Variants in COCH observed in about 807,000 individuals in gnomAD.
The protein encoded by COCH is coagulation factor C homolog, cochlin (Limulus polyphemus).
In COCH, 40 loss-of-function variants were observed where a neutral mutation model predicts 54.8. That is an observed-to-expected ratio of 0.73 (90% CI 0.57 to 0.95). COCH has a LOEUF of 0.95. Ranked by LOEUF, COCH falls within the 40% of genes least tolerant of loss-of-function variation. COCH has a pLI of 0.00. For synonymous variants in COCH, 256 were observed against 237.9 expected, an observed-to-expected ratio of 1.08 and a Z score of -0.70; for missense variants, 605 against 675.0, an observed-to-expected ratio of 0.90 and a Z score of 1.15.
chr14:30,875,296 A>C, intron 3 of COCH, 193 bp downstream of exon 3: 1 of 814,154 alleles, frequency 1.2e-6, no homozygotes. Flanking sequence ...TGTTTCTCCC[A>C]TGGTAGGGGG....
intron 11 of COCH, 88 bp downstream of exon 11, chr14:30,886,400 A>G: frequency 7.2e-7 from 1 of 1,395,924 alleles, no homozygotes; most frequent in Non-Finnish European, 1.0e-6. Flanking sequence ...CATTTATTTC[A>G]TTAAACAAAC....
Position 30,878,648 on chromosome 14 carries a change from C to T in COCH, c.240-163C>T, listed in dbSNP as rs138971652. On this transcript the variant is annotated intron_variant, in intron 4 of 11. Transcript: ENST00000396618. ...CTCCATCCTGGGCTACAGAGCGAGA[C>T]GCCATCAAATAAATAAATAAATAAA... 2.4e-4 allele frequency among the ~76,000 whole-genome samples: 36 copies of T among 152,222 alleles called. No homozygotes were observed. The East Asian group carries it at 4.0e-3, about 17-fold the overall frequency.
At position 30,875,445 on chromosome 14, in the gene COCH, C is replaced by T. The variant is rs953794794; in HGVS notation, c.82+342C>T. 8.5e-6 allele frequency: 5 copies of T among 585,020 alleles called. No homozygotes were observed. The African/African-American group carries it at 9.4e-5, about 11-fold the overall frequency. 36.2% of individuals were successfully genotyped at this position (585,020 alleles called of 1,614,324 possible). On this transcript the variant is annotated intron_variant, in intron 3 of 11. Coordinates refer to ENST00000396618, the MANE Select transcript of COCH (RefSeq NM_004086.3). ...AGGAAGGAGGACTCCTTGAGCCTCA[C>T]CGAGGAGCGCACCAGTCCTGGGCTC...
rs764704351 is a variant in COCH at position 30,878,864 on chromosome 14, G to A, written c.293G>A (p.Arg98Gln). 5.5e-5 allele frequency: 89 copies of A among 1,614,168 alleles called. No homozygotes were observed. The highest frequency in any genetic ancestry group is 2.2e-4 in the South Asian group (20 of 91,082). The change falls in exon 5 of 12, where the codon CGA (arginine) becomes CAA (glutamine). Residue 98 changes from arginine to glutamine, a missense_variant. Transcript: ENST00000396618. ...GPVRVYSLPG[R>Q]ENYSSVDANG... is the part of the protein sequence containing the mutation. Reference sequence around the variant, plus strand: ...GTACGAGTCTATAGCCTACCTGGTCGAGAAAACTATTCCTCAGTAGATGCC... The same window carrying A: ...GTACGAGTCTATAGCCTACCTGGTCAAGAAAACTATTCCTCAGTAGATGCC...
chr14:30,879,364 T>A, intron 5 of COCH, 59 bp from the exon 6 acceptor site: 2 of 1,524,830 alleles, frequency 1.3e-6, no homozygotes, highest in South Asian at 2.3e-5. Flanking sequence ...TAAATTAGAT[T>A]CATAATACTT....
intron 3 of COCH, among the ~76,000 whole-genome samples, chr14:30,876,772 T>C (rs1036743078): frequency 6.6e-6 from 1 of 152,188 alleles, no homozygotes; most frequent in Admixed American, 6.5e-5. Flanking sequence ...ACTGTGTACA[T>C]AGCGTCATCA....
intron 9 of COCH, 90 bp downstream of exon 9, chr14:30,884,746 C>A (rs1895723358): frequency 1.6e-6 from 2 of 1,281,084 alleles, no homozygotes; most frequent in Admixed American, 1.8e-5. Flanking sequence ...TTTATATGAG[C>A]AGATGTGAAA....
chr14:30,878,431 C>T (rs1178046937), intron 4 of COCH, among the ~76,000 whole-genome samples: 3 of 152,120 alleles, frequency 2.0e-5, no homozygotes, highest in Non-Finnish European at 4.4e-5. Context: ...GAGGCTGAGG[C>T]GGATGGACCA....
intron 3 of COCH, among the ~76,000 whole-genome samples, chr14:30,876,970 A>G (rs564543694): frequency 6.6e-6 from 1 of 152,038 alleles, no homozygotes; most frequent in African/African-American, 2.4e-5. Flanking sequence ...GGCCATTTAA[A>G]AAAAATTTTT....
chr14:30,886,216 A>T lies in COCH; in HGVS notation c.1381A>T (p.Ile461Leu). The T allele has an allele frequency of 6.2e-7, 1 of 1,612,972 alleles. No homozygotes were observed. Among genetic ancestry groups the T allele is most frequent in the Non-Finnish European group, 8.5e-7 (1 of 1,179,466 alleles). ...SFTVRNVFGP[I>L]RESPNKNFLV... ...CACTGTTAGAAATGTGTTTGGCCCTATAAGGGAGAGCCCCAACAAGAACTT... is the reference window on the plus strand; with the variant it reads ...CACTGTTAGAAATGTGTTTGGCCCTTTAAGGGAGAGCCCCAACAAGAACTT... The change falls in exon 11 of 12, where the codon ATA (isoleucine) becomes TTA (leucine). Residue 461 changes from isoleucine to leucine, a missense_variant. Transcript: ENST00000396618.
intron 11 of COCH, among the ~76,000 whole-genome samples, chr14:30,888,131 A>T (rs952824949): frequency 2.7e-5 from 4 of 148,492 alleles, no homozygotes; most frequent in African/African-American, 7.4e-5. Context: ...TGGTGTGATT[A>T]TTTTTTTTTT....
At chr14:30,888,901 A>T (rs1895885935) in intron 11 of COCH, among the ~76,000 whole-genome samples, 1 of 152,164 alleles carries the variant, frequency 6.6e-6, no homozygotes, top group Non-Finnish European at 1.5e-5. Context: ...GCCTTCTAGT[A>T]ACTAAAGTGA....
intron 8 of COCH, among the ~76,000 whole-genome samples, chr14:30,882,453 T>C (rs1455585710): frequency 3.3e-5 from 5 of 152,104 alleles, no homozygotes; most frequent in Non-Finnish European, 5.9e-5. Context: ...AAGGAAATAT[T>C]TGACTGTATT....
intron 5 of COCH, 51 bp from the exon 6 acceptor site, chr14:30,879,372 C>G (rs1045292518): frequency 3.2e-6 from 5 of 1,561,008 alleles, no homozygotes; most frequent in Non-Finnish European, 4.4e-6. Context: ...ATTCATAATA[C>G]TTTGGTAAAG....
At chr14:30,891,442 G>T (rs1215181514), downstream of COCH, among the ~76,000 whole-genome samples, 3 of 152,072 alleles carry the variant, frequency 2.0e-5, no homozygotes, top group Non-Finnish European at 2.9e-5. Context: ...CTGCATAAGA[G>T]GAATAAAAGG....
chr14:30,882,124 T>TTTTTG (rs1895624202), intron 8 of COCH, among the ~76,000 whole-genome samples: 5 of 97,456 alleles, frequency 5.1e-5, no homozygotes, highest in African/African-American at 2.0e-4. Context: ...AAAATGGTTT[T>TTTTTG]TTTTTTTTTT....
At chr14:30,875,220 GC>G in intron 3 of COCH, 117 bp downstream of exon 3, 1 of 1,407,996 alleles carries the variant, frequency 7.1e-7, no homozygotes, top group Non-Finnish European at 9.6e-7. Flanking sequence ...GGAGGAAGGC[GC>G]GAAGGTTGAG....
rs776171634 is a variant in COCH at position 30,875,052 on chromosome 14, G to A, written c.35-4G>A. ...AGCCAGCCCTCACGCTTCTCTCTTC[G>A]CAGGTGTGTGTCTGCTGCTGCTGCC... On this transcript the variant is annotated splice_polypyrimidine_tract_variant and splice_region_variant and intron_variant, in intron 2 of 11. Transcript: ENST00000396618. The A allele has an allele frequency of 5.6e-6, 9 of 1,610,598 alleles. No individual in the cohort carries two copies. Among genetic ancestry groups the A allele is most frequent in the Non-Finnish European group, 5.9e-6 (7 of 1,178,990 alleles).
Position 30,877,034 on chromosome 14 carries a change from C to G in COCH, c.83-538C>G, listed in dbSNP as rs903445904. Among the ~76,000 whole-genome samples, 4 of 152,044 alleles carry G rather than the reference C, an allele frequency of 2.6e-5. No individual in the cohort carries two copies. The highest frequency in any genetic ancestry group is 2.1e-4 in the South Asian group (1 of 4,822). On this transcript the variant is annotated intron_variant, in intron 3 of 11. Coordinates refer to ENST00000396618, the MANE Select transcript of COCH (RefSeq NM_004086.3). The surrounding 1 kb of genome is among the most constrained non-coding windows in gnomAD (Gnocchi z 8.6). Reference sequence around the variant, plus strand: ...TGTTGTCCAGACTGGTCTTGACCTCCTGGACTCAAGCAAATCCTCTTGTCT... The same window carrying G: ...TGTTGTCCAGACTGGTCTTGACCTCGTGGACTCAAGCAAATCCTCTTGTCT...
Sources: gnomAD v4.1 joint callset for allele counts (sites outside exome capture counted in the v4.1 genomes callset) on GRCh38, gnomAD v4.1.1 for gene constraint, Gnocchi (gnomAD v3.1) non-coding constraint, MANE v1.5 for transcripts, NCBI Gene and HGNC (gene_info 2026-07-23, HGNC 2026-07-21) for gene names.